The following STAG1 variants were observed in gnomAD, a reference collection of about 807,000 sequenced individuals.
STAG1 encodes the protein STAG1 cohesin complex component, also known as cohesin subunit SA-1.
STAG1 carries 26 observed loss-of-function variants against 170.9 expected under a neutral mutation model. The ratio of observed to expected loss-of-function variants is 0.15; its 90% CI spans 0.11 to 0.21. The LOEUF (loss-of-function observed/expected upper bound fraction) is 0.21, where lower values mean the gene tolerates loss of function less well. STAG1 is among the 10% of genes least tolerant of loss of function. The pLI, the probability that STAG1 is intolerant of heterozygous loss-of-function variation, is 1.00. For missense variants in STAG1, 964 were observed against 1,509.5 expected, an observed-to-expected ratio of 0.64 and a Z score of 5.99; for synonymous variants, 514 against 497.7, an observed-to-expected ratio of 1.03 and a Z score of -0.44.
chr3:136,389,267 G>C (rs1347950573), intron 22 of STAG1, among the ~76,000 whole-genome samples: 1 of 152,162 alleles, frequency 6.6e-6, no homozygotes, highest in Non-Finnish European at 1.5e-5. Flanking sequence ...ACTGGGGACA[G>C]GCTAGTGAGG....
At chr3:136,538,445 A>C (rs1935746446) in intron 6 of STAG1, among the ~76,000 whole-genome samples, 1 of 148,100 alleles carries the variant, frequency 6.8e-6, no homozygotes, top group African/African-American at 2.5e-5. Context: ...GAGAGAGAGC[A>C]TCTCACTCTG....
intron 1 of STAG1, among the ~76,000 whole-genome samples, chr3:136,665,659 A>G (rs1576735848): frequency 6.6e-6 from 1 of 151,602 alleles, no homozygotes; most frequent in East Asian, 1.9e-4. Flanking sequence ...AGGCGCCTGT[A>G]GTCCCAGCTA....
At chr3:136,418,634 T>C (rs1410907511) in intron 20 of STAG1, among the ~76,000 whole-genome samples, 1 of 151,220 alleles carries the variant, frequency 6.6e-6, no homozygotes, top group Non-Finnish European at 1.5e-5. Context: ...CTTTATTGTA[T>C]ATATAATAGT....
intron 6 of STAG1, among the ~76,000 whole-genome samples, chr3:136,532,049 A>C (rs1387113000): frequency 6.6e-6 from 1 of 152,134 alleles, no homozygotes; most frequent in African/African-American, 2.4e-5. Flanking sequence ...AATAAATTAA[A>C]ACTAAAAAAA....
At chr3:136,508,879 C>T (rs1251031159) in intron 7 of STAG1, among the ~76,000 whole-genome samples, 1 of 152,018 alleles carries the variant, frequency 6.6e-6, no homozygotes, top group African/African-American at 2.4e-5. Flanking sequence ...TCTGTGTGCG[C>T]GCGTGCGCGA....
At chr3:136,701,393 T>C (rs1943056363) in intron 1 of STAG1, among the ~76,000 whole-genome samples, 1 of 152,142 alleles carries the variant, frequency 6.6e-6, no homozygotes, top group Non-Finnish European at 1.5e-5. Context: ...ACCACCACCA[T>C]TCCCATCCTC....
intron 6 of STAG1, among the ~76,000 whole-genome samples, chr3:136,528,306 C>T (rs1172661291): frequency 6.6e-6 from 1 of 152,164 alleles, no homozygotes; most frequent in Non-Finnish European, 1.5e-5. Flanking sequence ...CCCAGCCTTA[C>T]TGCAGCCTTG....
chr3:136,640,678 G>T (rs1371644448), intron 1 of STAG1, among the ~76,000 whole-genome samples: 17 of 125,052 alleles, frequency 1.4e-4, no homozygotes, highest in South Asian at 7.8e-4. Flanking sequence ...CTGTTTTGTT[G>T]TTTTTTTTTT....
intron 4 of STAG1, among the ~76,000 whole-genome samples, chr3:136,603,804 G>C (rs528371842): frequency 3.3e-5 from 5 of 151,944 alleles, no homozygotes; most frequent in African/African-American, 1.2e-4. Flanking sequence ...GGGGAATGGC[G>C]TGAACCCGGG....
At chr3:136,376,475 C>T (rs1423816861) in intron 23 of STAG1, among the ~76,000 whole-genome samples, 2 of 152,110 alleles carry the variant, frequency 1.3e-5, no homozygotes, top group South Asian at 2.1e-4. Context: ...CTTACCAAAC[C>T]CCACTTCTAC....
intron 22 of STAG1, among the ~76,000 whole-genome samples, chr3:136,391,309 A>G (rs1347452790): frequency 6.6e-6 from 1 of 152,094 alleles, no homozygotes; most frequent in Non-Finnish European, 1.5e-5. Flanking sequence ...GAGAAAAAAA[A>G]TAAGGATAAA....
At chr3:136,455,695 A>G (rs1018309585) in intron 13 of STAG1, among the ~76,000 whole-genome samples, 6 of 152,238 alleles carry the variant, frequency 3.9e-5, no homozygotes, top group African/African-American at 1.4e-4. Flanking sequence ...AAAGCACTGC[A>G]AGGGGCACAA....
chr3:136,565,084 GGGAGGGAGGAAAGGAA>G (rs1937021763), intron 5 of STAG1, among the ~76,000 whole-genome samples: 1 of 49,930 alleles, frequency 2.0e-5, no homozygotes, highest in African/African-American at 7.1e-5. Context: ...GAGGGAGGGA[GGGAGGGAGGAAAGGAA>G]AGAGAAAGAG....
chr3:136,535,061 TG>T (rs1289345035), intron 6 of STAG1, among the ~76,000 whole-genome samples: 1 of 152,182 alleles, frequency 6.6e-6, no homozygotes, highest in African/African-American at 2.4e-5. Context: ...GGATACTATT[TG>T]GTTATAAAAA....
At chr3:136,651,376 T>TAAAAAAAAA (rs57372663) in intron 1 of STAG1, among the ~76,000 whole-genome samples, 3 of 121,992 alleles carry the variant, frequency 2.5e-5, no homozygotes, top group Non-Finnish European at 3.5e-5. Flanking sequence ...ACCAAAAATT[T>TAAAAAAAAA]AAAAAAAAAA....
At chr3:136,374,767 A>G (rs1384299871) in intron 23 of STAG1, among the ~76,000 whole-genome samples, 1 of 152,200 alleles carries the variant, frequency 6.6e-6, no homozygotes, top group Non-Finnish European at 1.5e-5. Flanking sequence ...TTGAAGAAAG[A>G]AAAACATTTT....
chr3:136,569,411 CA>C lies in STAG1; in HGVS notation c.298-551del, dbSNP rs1199366699. ...ATCTGATAAAATTCTGTAGCCAATC[CA>C]AAAAAAAAAAAAAACTTTCTAGGAA... On this transcript the variant is annotated intron_variant, in intron 4 of 33. Coordinates refer to ENST00000383202, the MANE Select transcript of STAG1 (RefSeq NM_005862.3). 5.9e-3 allele frequency among the ~76,000 whole-genome samples: 510 copies of C among 85,988 alleles called. 1 individual carries two copies. The highest frequency in any genetic ancestry group is 0.024 in the Middle Eastern group (4 of 166). The allele number at this position is 85,988 out of a possible 152,430, so 56.4% of individuals were successfully genotyped here. A position where few individuals can be genotyped will look rare whatever the true frequency, so the allele number is the denominator to read the frequency against.
Position 136,448,990 on chromosome 3 carries a change from CT to C in STAG1, c.1428+3042del, listed in dbSNP as rs1312712564. Among the ~76,000 whole-genome samples the C allele has an allele frequency of 3.9e-5, 6 of 152,066 alleles. No individual in the cohort carries two copies. In the East Asian group the frequency reaches 9.7e-4, roughly 24 times the overall value. On this transcript the variant is annotated intron_variant, in intron 14 of 33. Transcript: ENST00000383202. ...TCTTTAAATTCAGTATTTCACAAGTCTATTACAAAATTTTACCAATTAAAGT... is the reference window on the plus strand; with the variant it reads ...TCTTTAAATTCAGTATTTCACAAGTCATTACAAAATTTTACCAATTAAAGT...
chr3:136,382,866 T>C (rs1386253306), intron 22 of STAG1, among the ~76,000 whole-genome samples: 1 of 152,258 alleles, frequency 6.6e-6, no homozygotes, highest in South Asian at 2.1e-4. Flanking sequence ...GAGAGAATTA[T>C]ACATACTGAC....
Sources: allele counts gnomAD v4.1 joint callset (sites outside exome capture counted in the v4.1 genomes callset), GRCh38; gene constraint gnomAD v4.1.1; transcripts MANE v1.5; gene names NCBI Gene and HGNC (gene_info 2026-07-23, HGNC 2026-07-21).